Variants in ITFG2 observed in about 807,000 individuals in gnomAD.
ITFG2 encodes the protein KICSTOR complex protein ITFG2.
A neutral mutation model predicts 54.4 loss-of-function variants in ITFG2; 36 were observed. That is an observed-to-expected ratio of 0.66 (90% CI 0.51 to 0.87). ITFG2 has a LOEUF of 0.87. Among genes scored for constraint, ITFG2 ranks in the 40% least tolerant of loss-of-function variants. ITFG2 has a pLI of 0.00. For missense variants in ITFG2, 524 were observed against 576.7 expected (o/e 0.91, Z 0.94); for synonymous variants, 211 against 225.4 (o/e 0.94, Z 0.57).
intron 3 of ITFG2, 73 bp from the exon 4 acceptor site, chr12:2,818,033 G>A: frequency 6.2e-7 from 1 of 1,609,104 alleles, no homozygotes. Context: ...TCTGACCTCT[G>A]TGATCTGATG....
rs368435841 is a variant in ITFG2, at chr12:2,818,192, C to T, written c.321C>T (p.His107=). The T allele has an allele frequency of 2.4e-5, 38 of 1,614,124 alleles. No individual in the cohort carries two copies. The African/African-American group carries it at 3.6e-4, about 15-fold the overall frequency. ...AGGTGTTGGATGCTTCTGGGCACCA[C>T]GAGACACTAATCGGAGAGGAGCAGC... ...PAKVLDASGH[H]ETLIGEEQRP... The change falls in exon 4 of 12, where the codon CAC becomes CAT. Residue 107 remains histidine (H), a synonymous_variant. Coordinates refer to ENST00000228799, the MANE Select transcript of ITFG2 (RefSeq NM_018463.4).
chr12:2,842,912 T>C (rs778904405), intron 2 of ITFG2, among the ~76,000 whole-genome samples: 13 of 152,158 alleles, frequency 8.5e-5, no homozygotes, highest in Non-Finnish European at 1.2e-4. Flanking sequence ...TGCCCTCTTA[T>C]CCAAGCCTAG....
In ITFG2 at chr12:2,812,707, G is replaced by T. The variant is rs1378848866; in HGVS notation, c.-54G>T. On this transcript the variant is annotated 5_prime_UTR_variant, in exon 1 of 12. Coordinates refer to ENST00000228799, the MANE Select transcript of ITFG2 (RefSeq NM_018463.4). ...TCCGCTCTGGCGGCTGTCGCGACGG[G>T]GGTTCAGGGAATATTTACTGGGCCT... 2 of 1,502,530 alleles carry T rather than the reference G, an allele frequency of 1.3e-6. No homozygotes were observed. Among genetic ancestry groups the T allele is most frequent in the Non-Finnish European group, 1.8e-6 (2 of 1,082,530 alleles). 93.1% of individuals were successfully genotyped at this position (1,502,530 alleles called of 1,614,324 possible).
At position 2,858,587 on chromosome 12, in the gene ITFG2, T is replaced by C. The variant is rs780061864; in HGVS notation, n.620+256T>C. The C allele has an allele frequency of 1.2e-5, 18 of 1,536,828 alleles. No homozygotes were observed. In the Admixed American group the frequency reaches 3.2e-4, roughly 27 times the overall value. ...CAGAGGCTTGGGGTGCACTGAGCCTTGGAGTGCCCGGGATGGTGGACAGCT... is the reference window on the plus strand; with the variant it reads ...CAGAGGCTTGGGGTGCACTGAGCCTCGGAGTGCCCGGGATGGTGGACAGCT... On this transcript the variant is annotated intron_variant and non_coding_transcript_variant, in intron 3 of 3. Coordinates refer to the ITFG2 transcript ENST00000537710.
At chr12:2,842,464 G>A (rs573187675) in intron 2 of ITFG2, among the ~76,000 whole-genome samples, 19 of 152,036 alleles carry the variant, frequency 1.2e-4, no homozygotes, top group East Asian at 7.8e-4. Flanking sequence ...GTTTTAGGCC[G>A]GGTGTGGTGG....
intron 2 of ITFG2, among the ~76,000 whole-genome samples, chr12:2,853,575 T>G (rs542224845): frequency 6.7e-6 from 1 of 149,936 alleles, no homozygotes; most frequent in South Asian, 2.1e-4. Flanking sequence ...GCCCGGCCTG[T>G]TTTTTTTGTT....
In ITFG2 at chr12:2,817,047, C is replaced by A. The variant is rs567288129; in HGVS notation, c.97-176C>A. Among the ~76,000 whole-genome samples, 6 of 152,326 alleles carry A rather than the reference C, an allele frequency of 3.9e-5. No homozygotes were observed. The South Asian group carries it at 8.3e-4, about 21-fold the overall frequency. ...CCTCAAGTGATCCACCCACCTCCAC[C>A]ACCCAAAGTAGTGGGATTACAAGTG... On this transcript the variant is annotated intron_variant, in intron 1 of 11. Coordinates refer to ENST00000228799, the MANE Select transcript of ITFG2 (RefSeq NM_018463.4).
chr12:2,812,983 A>G (rs2097912814), intron 1 of ITFG2, 127 bp downstream of exon 1: 4 of 740,128 alleles, frequency 5.4e-6, no homozygotes, highest in South Asian at 5.0e-5. Flanking sequence ...TTGGAGCGCT[A>G]GAGAGAAAAA....
intron 5 of ITFG2, 132 bp downstream of exon 5, chr12:2,820,357 T>C (rs1041171702): frequency 8.8e-7 from 1 of 1,134,338 alleles, no homozygotes. Context: ...TCAAGAGAGA[T>C]CCAAAGACCA....
chr12:2,842,372 C>T (rs367822955), intron 2 of ITFG2, among the ~76,000 whole-genome samples: 1 of 151,504 alleles, frequency 6.6e-6, no homozygotes. Flanking sequence ...CCACCCGCCT[C>T]GGCCTCCCAA....
At chr12:2,831,769 TTCTTTTCTTTC>T (rs978236013), downstream of ITFG2, among the ~76,000 whole-genome samples, 3 of 152,112 alleles carry the variant, frequency 2.0e-5, no homozygotes, top group African/African-American at 7.2e-5. Context: ...TTCTTTCTTT[TTCTTTTCTTTC>T]AAGATGGGAT....
intron 2 of ITFG2, chr12:2,855,104 T>C (rs1478403138): frequency 6.5e-7 from 1 of 1,534,936 alleles, no homozygotes; most frequent in Non-Finnish European, 8.7e-7. Flanking sequence ...GGAGGGGGGA[T>C]GGGGTGCTCC....
At chr12:2,855,495 G>GAC in intron 2 of ITFG2, 1 of 1,348,714 alleles carries the variant, frequency 7.4e-7, no homozygotes, top group South Asian at 1.8e-5. Context: ...AGACAGGGGT[G>GAC]CAGAAAGGTG....
intron 2 of ITFG2, among the ~76,000 whole-genome samples, chr12:2,847,749 C>G (rs1490047553): frequency 2.0e-5 from 3 of 151,606 alleles, no homozygotes; most frequent in Non-Finnish European, 4.4e-5. Flanking sequence ...ATTCAACTTT[C>G]TGTCTCTATA....
chr12:2,817,095 CTT>C (rs2097924051), intron 1 of ITFG2, 126 bp from the exon 2 acceptor site: 1 of 631,326 alleles, frequency 1.6e-6, no homozygotes, highest in Admixed American at 2.5e-5. Flanking sequence ...CCTGGCCAGA[CTT>C]TTAATAAAGT....
At chr12:2,834,628 G>A (rs547633276), upstream of ITFG2, 304 of 1,561,488 alleles carry the variant, frequency 1.9e-4, 1 homozygote, top group South Asian at 3.5e-3. Context: ...GGCAGGGGAG[G>A]GGTGATGCCT....
At chr12:2,835,550 T>C (rs2098025254), upstream of ITFG2, 1 of 152,372 alleles carries the variant, frequency 6.6e-6, no homozygotes. Context: ...TGACTCTGGA[T>C]TCTGGGTTCC....
At chr12:2,844,998 C>A (rs1443443373) in intron 2 of ITFG2, among the ~76,000 whole-genome samples, 1 of 152,164 alleles carries the variant, frequency 6.6e-6, no homozygotes, top group Non-Finnish European at 1.5e-5. Context: ...AATGAACTGG[C>A]TTGGGACTAA....
intron 4 of ITFG2, chr12:2,818,629 C>T (rs968791617): frequency 4.7e-5 from 16 of 340,968 alleles, no homozygotes; most frequent in Non-Finnish European, 8.4e-5. Flanking sequence ...CACCACTGCA[C>T]TCCACTCCAG....
Sources: gnomAD v4.1 joint callset for allele counts (sites outside exome capture counted in the v4.1 genomes callset) on GRCh38, gnomAD v4.1.1 for gene constraint, MANE v1.5 for transcripts, NCBI Gene and HGNC (gene_info 2026-07-23, HGNC 2026-07-21) for gene names.